ETV6: variants seen among roughly 807,000 people sequenced by gnomAD.
The protein encoded by ETV6 is transcription factor ETV6.
Under a neutral mutation model 51.1 loss-of-function variants are expected in ETV6, and 16 were observed. The observed-to-expected ratio is 0.31, with a 90% CI of 0.21 to 0.48. The LOEUF is 0.48. ETV6 is among the 20% of genes least tolerant of loss of function. The pLI, the probability that ETV6 is intolerant of heterozygous loss-of-function variation, is 0.99. For missense variants in ETV6, 458 were observed against 594.8 expected (o/e 0.77, Z 2.39); for synonymous variants, 240 against 224.1 (o/e 1.07, Z -0.64).
chr12:11,707,284 C>T (rs73288738), intron 1 of ETV6, among the ~76,000 whole-genome samples: 1,537 of 152,296 alleles, frequency 0.01, 31 homozygotes, highest in African/African-American at 0.034. Flanking sequence ...TCCTGAGCAG[C>T]GGGCTCATTT....
intron 1 of ETV6, among the ~76,000 whole-genome samples, chr12:11,662,147 T>G (rs1864111539): frequency 6.6e-6 from 1 of 152,086 alleles, no homozygotes; most frequent in African/African-American, 2.4e-5. Context: ...CCTTAGAAAA[T>G]GAACAAGGAG....
chr12:11,860,635 TTC>T (rs2136512830), intron 4 of ETV6, among the ~76,000 whole-genome samples: 2 of 152,174 alleles, frequency 1.3e-5, no homozygotes, highest in Admixed American at 1.3e-4. Context: ...TAGCCAAGCA[TTC>T]GGTAAATGTT....
At position 11,846,667 on chromosome 12, in the gene ETV6, A is replaced by G. The variant is rs532776105; in HGVS notation, c.329-6760A>G. ...GTAGTTAAAAACTGGAAATTCCCCAACCACCCCCACTGTGGGACTAGCTAA... is the reference window on the plus strand; with the variant it reads ...GTAGTTAAAAACTGGAAATTCCCCAGCCACCCCCACTGTGGGACTAGCTAA... On this transcript the variant is annotated intron_variant, in intron 3 of 7. Transcript: ENST00000396373. Among the ~76,000 whole-genome samples, 173 of 152,292 alleles carry G rather than the reference A, an allele frequency of 1.1e-3. 1 individual carries two copies. The highest frequency in any genetic ancestry group is 1.9e-3 in the Non-Finnish European group (129 of 68,018).
chr12:11,884,506 C>A lies in ETV6; in HGVS notation c.1071C>A (p.Phe357Leu), dbSNP rs2136595751. 6.2e-7 allele frequency: 1 copy of A among 1,614,224 alleles called. No homozygotes were observed. The highest frequency in any genetic ancestry group is 8.5e-7 in the Non-Finnish European group (1 of 1,180,036). The change falls in exon 6 of 8, where the codon TTC (phenylalanine) becomes TTA (leucine). Residue 357 changes from phenylalanine (F) to leucine (L), a missense_variant. Physicochemically the swap from Phe to Leu is conservative, Grantham distance 22 (BLOSUM62 0). Coordinates refer to ENST00000396373, the MANE Select transcript of ETV6 (RefSeq NM_001987.5). ...QLLSDSRYEN[F>L]IRWEDKESKI... is the part of the protein sequence containing the mutation. Reference sequence around the variant, plus strand: ...TTTCTGACAGCCGGTACGAAAACTTCATCCGATGGGAGGACAAAGAATCCA... The same window carrying A: ...TTTCTGACAGCCGGTACGAAAACTTAATCCGATGGGAGGACAAAGAATCCA...
intron 2 of ETV6, among the ~76,000 whole-genome samples, chr12:11,821,595 G>A (rs1037103990): frequency 7.2e-5 from 11 of 152,084 alleles, no homozygotes; most frequent in African/African-American, 2.7e-4. Flanking sequence ...CCAGCACTTT[G>A]GGAGTCTGAG....
At chr12:11,677,108 C>T (rs1217223350) in intron 1 of ETV6, among the ~76,000 whole-genome samples, 2 of 152,140 alleles carry the variant, frequency 1.3e-5, no homozygotes, top group Non-Finnish European at 2.9e-5. Context: ...AAACCCAATC[C>T]GAATCAACTA....
In ETV6 at chr12:11,892,282, C is replaced by G. The variant is rs562171917; in HGVS notation, c.*1236C>G. The G allele has an allele frequency of 9.2e-6, 2 of 217,824 alleles. No homozygotes were observed. Among genetic ancestry groups the G allele is most frequent in the East Asian group, 1.3e-4 (2 of 15,766 alleles). The allele number at this position is 217,824 out of a possible 1,614,324, so 13.5% of individuals were successfully genotyped here. A position where few individuals can be genotyped will look rare whatever the true frequency, so the allele number is the denominator to read the frequency against. ...TTCCTGGTCTCCACTGGACACAGAG[C>G]TTTGGAGACGGAGGATCCCAGAGGG... On this transcript the variant is annotated 3_prime_UTR_variant, in exon 8 of 8. Transcript: ENST00000396373.
chr12:11,679,005 C>T (rs958808129), intron 1 of ETV6, among the ~76,000 whole-genome samples: 4 of 152,216 alleles, frequency 2.6e-5, no homozygotes, highest in Admixed American at 2.6e-4. Context: ...CGGAAACACC[C>T]TCCTAGACAC....
rs76278590 is a variant in ETV6, at chr12:11,887,750, A to G, written c.1253+1724A>G. Among the ~76,000 whole-genome samples, 9 of 93,468 alleles carry G rather than the reference A, an allele frequency of 9.6e-5. No individual in the cohort carries two copies. The East Asian group carries it at 3.0e-3, about 31-fold the overall frequency. 61.3% of individuals were successfully genotyped at this position (93,468 alleles called of 152,430 possible). A position where few individuals can be genotyped will look rare whatever the true frequency, so the allele number is the denominator to read the frequency against. On this transcript the variant is annotated intron_variant, in intron 7 of 7. Coordinates refer to ENST00000396373, the MANE Select transcript of ETV6 (RefSeq NM_001987.5). ...TGACAGAGCGAGACTCCATCTCAAG[A>G]AAAAAAAAAAAAAAAGAAAAGAAAT...
intron 1 of ETV6, among the ~76,000 whole-genome samples, chr12:11,715,708 G>T (rs1269092277): frequency 1.3e-5 from 2 of 152,166 alleles, no homozygotes; most frequent in African/African-American, 4.8e-5. Context: ...TGTTTTCTTT[G>T]ATAATCATAA....
intron 1 of ETV6, among the ~76,000 whole-genome samples, chr12:11,736,052 G>A (rs1333840667): frequency 6.6e-6 from 1 of 152,182 alleles, no homozygotes; most frequent in Admixed American, 6.5e-5. Context: ...GACAATAAAT[G>A]ATAGTTTCTT....
At chr12:11,835,223 C>T (rs917387828) in intron 2 of ETV6, among the ~76,000 whole-genome samples, 10 of 152,158 alleles carry the variant, frequency 6.6e-5, no homozygotes, top group Non-Finnish European at 1.2e-4. Flanking sequence ...TTTCTCTGTA[C>T]AAAATTCTTT....
chr12:11,858,727 G>T (rs573577063), intron 4 of ETV6, among the ~76,000 whole-genome samples: 1 of 152,296 alleles, frequency 6.6e-6, no homozygotes, highest in Non-Finnish European at 1.5e-5. Context: ...ATTCACACAT[G>T]CAGGGCTGAG....
chr12:11,867,250 A>G (rs75720304), intron 4 of ETV6, among the ~76,000 whole-genome samples: 155 of 152,312 alleles, frequency 1.0e-3, no homozygotes, highest in Admixed American at 1.8e-3. Flanking sequence ...TTCCTTGTTT[A>G]GATAAGTGGT....
intron 1 of ETV6, among the ~76,000 whole-genome samples, chr12:11,741,012 A>G (rs1206720180): frequency 6.6e-6 from 1 of 152,186 alleles, no homozygotes; most frequent in African/African-American, 2.4e-5. Context: ...ATATAGCAGC[A>G]TGTAATTGAA....
intron 2 of ETV6, among the ~76,000 whole-genome samples, chr12:11,753,997 A>G (rs1253066801): frequency 6.6e-6 from 1 of 152,238 alleles, no homozygotes; most frequent in Non-Finnish European, 1.5e-5. Context: ...CAGTGTTCTT[A>G]GGAAACTGGA....
At chr12:11,669,289 A>C (rs561434940) in intron 1 of ETV6, among the ~76,000 whole-genome samples, 2 of 151,990 alleles carry the variant, frequency 1.3e-5, no homozygotes, top group East Asian at 3.9e-4. Context: ...CTGTGGGAGG[A>C]GGGGGAAGGA....
chr12:11,654,334 T>C (rs1486975042), intron 1 of ETV6, among the ~76,000 whole-genome samples: 4 of 152,072 alleles, frequency 2.6e-5, no homozygotes, highest in Non-Finnish European at 5.9e-5. Flanking sequence ...TGGGCCAACC[T>C]CCTCTATTTT....
chr12:11,692,460 C>G (rs1056860201), intron 1 of ETV6, among the ~76,000 whole-genome samples: 12 of 152,164 alleles, frequency 7.9e-5, no homozygotes, highest in African/African-American at 2.9e-4. Flanking sequence ...TTTTGTTCCT[C>G]CCACTAACTT....
Sources: gnomAD v4.1 joint callset for allele counts (sites outside exome capture counted in the v4.1 genomes callset) on GRCh38, gnomAD v4.1.1 for gene constraint, MANE v1.5 for transcripts, NCBI Gene and HGNC (gene_info 2026-07-23, HGNC 2026-07-21) for gene names.